The following ARHGAP8 variants were observed in gnomAD, a reference collection of about 807,000 sequenced individuals.
The protein encoded by ARHGAP8 is Rho GTPase activating protein 8.
In ARHGAP8, 62 loss-of-function variants were observed where a neutral mutation model predicts 46.1. The ratio of observed to expected loss-of-function variants is 1.34; its 90% CI spans 1.10 to 1.66. The LOEUF (loss-of-function observed/expected upper bound fraction) is 1.66, where lower values mean the gene tolerates loss of function less well. Among genes scored for constraint, ARHGAP8 ranks in the 40% most tolerant of loss-of-function variants. The pLI is 0.00. For synonymous variants in ARHGAP8, 375 were observed against 243.1 expected (o/e 1.54, Z -5.05); for missense variants, 923 against 568.4 (o/e 1.62, Z -6.34).
rs371563051 is a variant in ARHGAP8, at chr22:44,842,357, AAAAC to A, written c.597-2892_597-2889del. ...GGGGGACAGAGCGAGACTCCATCTC[AAAAC>A]AAACAAACAAACAAACAAAAACAGC... is the stretch of plus-strand genomic sequence containing the variant. On this transcript the variant is annotated intron_variant, in intron 7 of 11. Coordinates refer to ENST00000356099, the MANE Select transcript of ARHGAP8 (RefSeq NM_181335.3). Among the ~76,000 whole-genome samples the A allele has an allele frequency of 6.8e-4, 103 of 152,172 alleles. No individual in the cohort carries two copies. The East Asian group carries it at 7.5e-3, about 11-fold the overall frequency.
chr22:44,862,022 G>A (rs1400657424), intron 11 of ARHGAP8, among the ~76,000 whole-genome samples: 2 of 152,192 alleles, frequency 1.3e-5, no homozygotes, highest in Non-Finnish European at 2.9e-5. Flanking sequence ...GATAGTGGGG[G>A]GTTGAGGCTG....
At position 44,858,994 on chromosome 22, in the gene ARHGAP8, C is replaced by G. The variant is rs535851766; in HGVS notation, c.878-737C>G. Among the ~76,000 whole-genome samples, 3 of 151,918 alleles carry G rather than the reference C, an allele frequency of 2.0e-5. No homozygotes were observed. In the East Asian group the frequency reaches 5.8e-4, roughly 29 times the overall value. On this transcript the variant is annotated intron_variant, in intron 10 of 11. Transcript: ENST00000356099. ...AGCCACAGGCAATGTACAAAATGTC[C>G]GTGGCTGTGTTCCAAGAAAACGTTA... is the stretch of plus-strand genomic sequence containing the variant.
At chr22:44,854,208 G>C (rs1030097285) in intron 10 of ARHGAP8, among the ~76,000 whole-genome samples, 1 of 150,102 alleles carries the variant, frequency 6.7e-6, no homozygotes, top group South Asian at 2.1e-4. Flanking sequence ...AATAAGGCTA[G>C]TTGTCATTTC....
intron 7 of ARHGAP8, among the ~76,000 whole-genome samples, chr22:44,825,993 G>A (rs1432543823): frequency 1.3e-5 from 2 of 151,660 alleles, no homozygotes; most frequent in African/African-American, 4.8e-5. Context: ...GTAGTGGATG[G>A]GGGTCTCTGG....
At chr22:44,802,235 C>G in intron 3 of ARHGAP8, 71 bp downstream of exon 3, 1 of 1,575,778 alleles carries the variant, frequency 6.3e-7, no homozygotes, top group Non-Finnish European at 8.7e-7. Flanking sequence ...TTCACCCCAC[C>G]TCACTCTGAG....
chr22:44,759,603 C>T (rs1032362564), intron 1 of ARHGAP8, among the ~76,000 whole-genome samples: 10 of 151,942 alleles, frequency 6.6e-5, no homozygotes, highest in East Asian at 5.8e-4. Flanking sequence ...TGCAGCCCTC[C>T]GGGTCTCATC....
intron 1 of ARHGAP8, among the ~76,000 whole-genome samples, chr22:44,759,419 G>A (rs991289112): frequency 6.6e-6 from 1 of 152,200 alleles, no homozygotes; most frequent in East Asian, 1.9e-4. Context: ...GCTTTTGGCT[G>A]TAATTAACAG....
chr22:44,848,144 C>A, intron 9 of ARHGAP8, 94 bp downstream of exon 9: 2 of 1,513,626 alleles, frequency 1.3e-6, no homozygotes, highest in East Asian at 4.8e-5. Context: ...GCACCGCCCC[C>A]GCAACCCACC....
chr22:44,828,301 C>G (rs1369129937), intron 7 of ARHGAP8, among the ~76,000 whole-genome samples: 1 of 152,210 alleles, frequency 6.6e-6, no homozygotes, highest in African/African-American at 2.4e-5. Context: ...CTCTTGCACT[C>G]CCACCACCCC....
chr22:44,785,275 C>T (rs1273268401), intron 1 of ARHGAP8, among the ~76,000 whole-genome samples: 1 of 152,170 alleles, frequency 6.6e-6, no homozygotes, highest in East Asian at 1.9e-4. Context: ...TGAATCTACC[C>T]ATCTCCTCGG....
intron 3 of ARHGAP8, among the ~76,000 whole-genome samples, chr22:44,803,036 T>TATTG (rs1928668703): frequency 6.6e-6 from 1 of 152,176 alleles, no homozygotes; most frequent in Admixed American, 6.5e-5. Context: ...AGCAGGCATC[T>TATTG]ATTGAGCGCC....
chr22:44,827,282 C>T (rs1930588359), intron 7 of ARHGAP8, among the ~76,000 whole-genome samples: 1 of 145,834 alleles, frequency 6.9e-6, no homozygotes, highest in African/African-American at 2.5e-5. Flanking sequence ...AGGTCAACCC[C>T]TTTTTGACTC....
chr22:44,815,153 G>A (rs1929645346), intron 5 of ARHGAP8, among the ~76,000 whole-genome samples: 1 of 152,208 alleles, frequency 6.6e-6, no homozygotes, highest in South Asian at 2.1e-4. Context: ...AGGCACACAA[G>A]GCTGAGTCCA....
chr22:44,796,718 C>A (rs942657485), intron 2 of ARHGAP8, among the ~76,000 whole-genome samples: 2 of 152,220 alleles, frequency 1.3e-5, no homozygotes, highest in Non-Finnish European at 2.9e-5. Flanking sequence ...CGCTCCCAGA[C>A]CTTACCCTGC....
intron 10 of ARHGAP8, among the ~76,000 whole-genome samples, chr22:44,858,957 T>G (rs1044378830): frequency 4.6e-5 from 7 of 151,814 alleles, no homozygotes; most frequent in Admixed American, 3.3e-4. Context: ...TCTGCCCTGA[T>G]GAGGCAAAAG....
intron 11 of ARHGAP8, among the ~76,000 whole-genome samples, chr22:44,860,132 C>T (rs997801075): frequency 1.3e-5 from 2 of 152,120 alleles, no homozygotes; most frequent in African/African-American, 4.8e-5. Context: ...ATGTCATTTC[C>T]TGCTTGGGCT....
At chr22:44,761,293 G>C (rs1230416260) in intron 1 of ARHGAP8, among the ~76,000 whole-genome samples, 1 of 152,188 alleles carries the variant, frequency 6.6e-6, no homozygotes, top group East Asian at 1.9e-4. Context: ...GTATCCATGG[G>C]CTCCATATTA....
intron 9 of ARHGAP8, 95 bp from the exon 10 acceptor site, chr22:44,848,837 C>T: frequency 6.4e-7 from 1 of 1,572,182 alleles, no homozygotes; most frequent in South Asian, 1.2e-5. Flanking sequence ...TGCGTCCCAT[C>T]CGGACATCTC....
chr22:44,842,684 G>A (rs1368476376), intron 7 of ARHGAP8, among the ~76,000 whole-genome samples: 1 of 152,170 alleles, frequency 6.6e-6, no homozygotes, highest in Non-Finnish European at 1.5e-5. Context: ...CTGGCAGGCA[G>A]GAGCCCAGCC....
Sources: allele counts gnomAD v4.1 joint callset (sites outside exome capture counted in the v4.1 genomes callset), GRCh38; gene constraint gnomAD v4.1.1; transcripts MANE v1.5; gene names NCBI Gene and HGNC (gene_info 2026-07-23, HGNC 2026-07-21).